Variants in PCDHGB5 observed in about 807,000 individuals in gnomAD.
PCDHGB5 encodes protocadherin gamma-B5.
A neutral mutation model predicts 62.9 loss-of-function variants in PCDHGB5; 48 were observed. The ratio of observed to expected loss-of-function variants is 0.76; its 90% CI spans 0.61 to 0.97. The LOEUF is 0.97. Among genes scored for constraint, PCDHGB5 ranks in the 50% least tolerant of loss-of-function variants. The pLI, the probability that PCDHGB5 is intolerant of heterozygous loss-of-function variation, is 0.00. For missense variants in PCDHGB5, 1,118 were observed against 1,198.6 expected, an observed-to-expected ratio of 0.93 and a Z score of 0.99; for synonymous variants, 474 against 511.2, an observed-to-expected ratio of 0.93 and a Z score of 0.98.
At chr5:141,439,774 T>G (rs1435214431) in intron 1 of PCDHGB5, 2 of 152,364 alleles carry the variant, frequency 1.3e-5, no homozygotes, top group East Asian at 3.9e-4. Context: ...CCTTCTTGGC[T>G]GGAGATTCTA....
intron 1 of PCDHGB5, chr5:141,418,737 C>G (rs768683069): frequency 6.2e-7 from 1 of 1,613,842 alleles, no homozygotes; most frequent in African/African-American, 1.3e-5. Context: ...CACGTGTTCT[C>G]TCTGGATTAC....
Position 141,511,065 on chromosome 5 carries a change from C to T in PCDHGB5, c.2664C>T (p.Ile888=). Residue 888 remains isoleucine, a synonymous_variant, in exon 4 of 4, where the codon ATC becomes ATT. Transcript: ENST00000617380. ...HVPDYRQNVY[I]PGSNATLTNA... ...CCGACTACCGCCAGAATGTCTACATCCCAGGCAGCAATGCCACACTGACCA... is the reference window on the plus strand; with the variant it reads ...CCGACTACCGCCAGAATGTCTACATTCCAGGCAGCAATGCCACACTGACCA... The T allele has an allele frequency of 6.2e-7, 1 of 1,614,222 alleles. No individual in the cohort carries two copies. Among genetic ancestry groups the T allele is most frequent in the Middle Eastern group, 1.6e-4 (1 of 6,062 alleles).
chr5:141,423,626 T>C (rs745796529), intron 1 of PCDHGB5: 1 of 1,606,498 alleles, frequency 6.2e-7, no homozygotes, highest in South Asian at 1.1e-5. Context: ...GACTCAGCTA[T>C]CATTTTAGGC....
chr5:141,499,054 TGAA>T (rs2099789231), intron 2 of PCDHGB5, among the ~76,000 whole-genome samples: 1 of 150,820 alleles, frequency 6.6e-6, no homozygotes, highest in Non-Finnish European at 1.5e-5. Context: ...GGAGAAAAAA[TGAA>T]GAAGACTTAC....
At chr5:141,474,965 A>T (rs1268347441) in intron 1 of PCDHGB5, among the ~76,000 whole-genome samples, 1 of 152,236 alleles carries the variant, frequency 6.6e-6, no homozygotes, top group Non-Finnish European at 1.5e-5. Context: ...TATCCTAATC[A>T]TTATAATTTT....
At position 141,399,286 on chromosome 5, in the gene PCDHGB5, C is replaced by T; in HGVS notation, c.1159C>T (p.Pro387Ser). 3.1e-6 allele frequency: 5 copies of T among 1,613,858 alleles called. No individual in the cohort carries two copies. In the South Asian group the frequency reaches 5.5e-5, roughly 18 times the overall value. ...EVNCQLQGEVPFKIISSSKNS... is the reference protein window; with the variant it reads ...EVNCQLQGEVSFKIISSSKNS... ...TAATTGTCAATTACAAGGCGAAGTCCCTTTTAAGATTATCTCTTCATCCAA... is the reference window on the plus strand; with the variant it reads ...TAATTGTCAATTACAAGGCGAAGTCTCTTTTAAGATTATCTCTTCATCCAA... Residue 387 changes from proline (P) to serine (S), a missense_variant, in exon 1 of 4, where the codon CCT becomes TCT. Around this residue, in one of 2 missense-constraint regions of PCDHGB5, gnomAD observed 1,034 missense variants for 1,029.1 expected, o/e 1.00. Transcript: ENST00000617380.
chr5:141,454,281 A>C (rs1048947689), intron 1 of PCDHGB5, among the ~76,000 whole-genome samples: 2 of 152,242 alleles, frequency 1.3e-5, no homozygotes, highest in African/African-American at 4.8e-5. Context: ...AAAACTTCAC[A>C]TTAAAGGAAC....
intron 3 of PCDHGB5, among the ~76,000 whole-genome samples, chr5:141,507,713 C>T (rs2099862763): frequency 6.6e-6 from 1 of 152,234 alleles, no homozygotes; most frequent in Non-Finnish European, 1.5e-5. Flanking sequence ...GGCCCCAAAC[C>T]CTCCAAGCAA....
chr5:141,438,368 G>A (rs1216571092), intron 1 of PCDHGB5, among the ~76,000 whole-genome samples: 2 of 151,558 alleles, frequency 1.3e-5, no homozygotes, highest in African/African-American at 4.8e-5. Context: ...GTCATTGAGG[G>A]CAGATATAAT....
In PCDHGB5 at chr5:141,419,493, A is replaced by G. The variant is rs1246204844; in HGVS notation, c.2397+18969A>G. 5.0e-6 allele frequency: 8 copies of G among 1,612,382 alleles called. No individual in the cohort carries two copies. The highest frequency in any genetic ancestry group is 1.7e-4 in the Middle Eastern group (1 of 5,978). On this transcript the variant is annotated intron_variant, in intron 1 of 3. Coordinates refer to ENST00000617380, the MANE Select transcript of PCDHGB5 (RefSeq NM_018925.3). ...CAGGGCTCGCCCGCGCTCAGCGCCA[A>G]TGTGAGCCTGCGCGTGTTGGTGGGC...
rs1205836590 is a variant in PCDHGB5 at position 141,476,270 on chromosome 5, G to A, written c.2398-18537G>A. The A allele has an allele frequency of 6.2e-7, 1 of 1,614,088 alleles. No individual in the cohort carries two copies. Among genetic ancestry groups the A allele is most frequent in the Admixed American group, 1.7e-5 (1 of 60,026 alleles). Reference sequence around the variant, plus strand: ...GGGTTTCGCTGTGGGCAACGTGGTCGCGAACCTTGGTTTGGATCTCGGTAG... The same window carrying A: ...GGGTTTCGCTGTGGGCAACGTGGTCACGAACCTTGGTTTGGATCTCGGTAG... On this transcript the variant is annotated intron_variant, in intron 1 of 3. Transcript: ENST00000617380. The surrounding 1 kb of genome is among the most constrained non-coding windows in gnomAD (Gnocchi z 7.6).
intron 1 of PCDHGB5, among the ~76,000 whole-genome samples, chr5:141,457,729 T>A (rs950979422): frequency 2.0e-5 from 3 of 152,236 alleles, no homozygotes; most frequent in Non-Finnish European, 4.4e-5. Context: ...GAATTTCAGA[T>A]TAGACTTTTA....
Position 141,489,802 on chromosome 5 carries a change from G to A in PCDHGB5, c.2398-5005G>A, listed in dbSNP as rs2099692541. On this transcript the variant is annotated intron_variant, in intron 1 of 3. Transcript: ENST00000617380. The surrounding 1 kb of genome is among the most constrained non-coding windows in gnomAD (Gnocchi z 4.5). ...TCTGAATGTGAAGACCCTAAAAGAT[G>A]GGAAGCCATTCCCAGAGCTGGTGCT... is the stretch of plus-strand genomic sequence containing the variant. 6.2e-7 allele frequency: 1 copy of A among 1,614,042 alleles called. No homozygotes were observed. The highest frequency in any genetic ancestry group is 1.1e-5 in the South Asian group (1 of 91,088).
chr5:141,448,896 G>C (rs560617459), intron 1 of PCDHGB5, among the ~76,000 whole-genome samples: 5 of 152,302 alleles, frequency 3.3e-5, no homozygotes, highest in African/African-American at 1.2e-4. Context: ...AGTGAGCCGA[G>C]ATCGTGCCAC....
rs138408376 is a variant in PCDHGB5 at position 141,421,859 on chromosome 5, T to C, written c.2397+21335T>C. The stretch of plus-strand genomic sequence containing the variant: ...CGAGAGAAAGAGGCTGCTCACCTGC[T>C]CCTCCTCACAGCTTTAGATGGAGGC... On this transcript the variant is annotated intron_variant, in intron 1 of 3. Coordinates refer to ENST00000617380, the MANE Select transcript of PCDHGB5 (RefSeq NM_018925.3). The C allele has an allele frequency of 1.7e-3, 2,741 of 1,613,710 alleles. 8 individuals carry two copies. Among genetic ancestry groups the C allele is most frequent in the Middle Eastern group, 8.1e-3 (49 of 6,062 alleles).
Position 141,419,737 on chromosome 5 carries a change from G to A in PCDHGB5, c.2397+19213G>A, listed in dbSNP as rs201663350. 29 of 1,613,836 alleles carry A rather than the reference G, an allele frequency of 1.8e-5. No individual in the cohort carries two copies. In the African/African-American group the frequency reaches 3.6e-4, roughly 20 times the overall value. ...GCCTGGGGCTGCGAACAGGCGAGGTGCGCATGGTGCGTGCTTTGGGTGACA... is the reference window on the plus strand; with the variant it reads ...GCCTGGGGCTGCGAACAGGCGAGGTACGCATGGTGCGTGCTTTGGGTGACA... On this transcript the variant is annotated intron_variant, in intron 1 of 3. Transcript: ENST00000617380.
In PCDHGB5 at chr5:141,398,940, G is replaced by C. The variant is rs781438773; in HGVS notation, c.813G>C (p.Glu271Asp). 6.2e-7 allele frequency: 1 copy of C among 1,613,944 alleles called. No individual in the cohort carries two copies. Among genetic ancestry groups the C allele is most frequent in the Middle Eastern group, 1.7e-4 (1 of 6,060 alleles). ...VLQVSATDQD[E>D]GINSEITYSF... ...AAGTGTCAGCCACTGACCAAGACGAGGGCATCAACTCAGAAATTACTTATT... is the reference window on the plus strand; with the variant it reads ...AAGTGTCAGCCACTGACCAAGACGACGGCATCAACTCAGAAATTACTTATT... Residue 271 changes from glutamate to aspartate, a missense_variant, in exon 1 of 4, where the codon GAG becomes GAC. By Grantham distance (45) the Glu-to-Asp change is conservative. This residue lies in a region of PCDHGB5 where 1,034 missense variants were observed against 1,029.1 expected (regional missense o/e 1.00). Transcript: ENST00000617380.
In PCDHGB5 at chr5:141,490,729, C is replaced by G. The variant is rs1365931429; in HGVS notation, c.2398-4078C>G. ...CCTCACCTACTCCATTGTAGGAAAT[C>G]AGGTTCAGGGAGCCCCAGCCTCCTC... On this transcript the variant is annotated intron_variant, in intron 1 of 3. Coordinates refer to ENST00000617380, the MANE Select transcript of PCDHGB5 (RefSeq NM_018925.3). The surrounding 1 kb of genome is among the most constrained non-coding windows in gnomAD (Gnocchi z 5.4). 1 of 1,614,184 alleles carries G rather than the reference C, an allele frequency of 6.2e-7. No homozygotes were observed.
chr5:141,486,337 C>T lies in PCDHGB5; in HGVS notation c.2398-8470C>T, dbSNP rs116799150. On this transcript the variant is annotated intron_variant, in intron 1 of 3. Coordinates refer to ENST00000617380, the MANE Select transcript of PCDHGB5 (RefSeq NM_018925.3). The surrounding 1 kb of genome is among the most constrained non-coding windows in gnomAD (Gnocchi z 5.0). ...GGTCAAACGGAGATGTGAGCCTCCG[C>T]ATTCCTGACCACTTGCCATTTGCCC... 1 of 1,614,076 alleles carries T rather than the reference C, an allele frequency of 6.2e-7. No homozygotes were observed. Among genetic ancestry groups the T allele is most frequent in the Non-Finnish European group, 8.5e-7 (1 of 1,179,966 alleles).
Sources: allele counts gnomAD v4.1 joint callset (sites outside exome capture counted in the v4.1 genomes callset), GRCh38; gene constraint gnomAD v4.1.1; regional missense constraint gnomAD v4.1.1; non-coding constraint Gnocchi (gnomAD v3.1); transcripts MANE v1.5; gene names NCBI Gene and HGNC (gene_info 2026-07-23, HGNC 2026-07-21).